The following TMLHE variants were observed in gnomAD, a reference collection of about 807,000 sequenced individuals.
TMLHE encodes the protein trimethyllysine dioxygenase, mitochondrial.
A neutral mutation model predicts 25.7 loss-of-function variants in TMLHE; 18 were observed. That is an observed-to-expected ratio of 0.70 (90% CI 0.48 to 1.04). The LOEUF (loss-of-function observed/expected upper bound fraction) is 1.04. Ranked by LOEUF, TMLHE falls within the 50% of genes least tolerant of loss-of-function variation. TMLHE has a pLI of 0.00. For missense variants in TMLHE, 236 were observed against 259.0 expected, an observed-to-expected ratio of 0.91 and a Z score of 0.61; for synonymous variants, 105 against 97.0, an observed-to-expected ratio of 1.08 and a Z score of -0.49.
At chrX:155,506,042 G>A (rs2067074360) in intron 6 of TMLHE, among the ~76,000 whole-genome samples, 1 of 111,233 alleles carries the variant, frequency 9.0e-6, no homozygotes, top group South Asian at 3.7e-4. Flanking sequence ...TTACATGCTA[G>A]AAGAGTAAGA....
rs1557340778 is a variant in TMLHE, at chrX:155,556,185, CAATGAAA to C, written c.-1-10915_-1-10909del. ...AGAGTGAGTTACAGCTGACATGCAG[CAATGAAA>C]CAGGGACTTCAGTCCTATGGTTACA... On this transcript the variant is annotated intron_variant, in intron 1 of 7. Coordinates refer to ENST00000334398, the MANE Select transcript of TMLHE (RefSeq NM_018196.4). Among the ~76,000 whole-genome samples the C allele has an allele frequency of 9.6e-4, 107 of 110,956 alleles. 1 individual carries two copies. Among genetic ancestry groups the C allele is most frequent in the African/African-American group, 3.4e-3 (103 of 30,143 alleles).
At chrX:155,542,365 G>A (rs979265492) in intron 2 of TMLHE, among the ~76,000 whole-genome samples, 1 of 111,390 alleles carries the variant, frequency 9.0e-6, no homozygotes, top group Non-Finnish European at 1.9e-5. Context: ...TCAAAGAAAG[G>A]TACAAATAAA....
At chrX:155,521,756 C>T (rs2067187271) in intron 3 of TMLHE, among the ~76,000 whole-genome samples, 1 of 53,117 alleles carries the variant, frequency 1.9e-5, no homozygotes, top group Non-Finnish European at 3.5e-5. Flanking sequence ...CTGAAAAGCG[C>T]AATATTCGGG....
chrX:155,576,037 A>G (rs782020263), intron 1 of TMLHE, among the ~76,000 whole-genome samples: 1 of 111,872 alleles, frequency 8.9e-6, no homozygotes, highest in South Asian at 3.8e-4. Flanking sequence ...GCATCCAAAT[A>G]GGAAGAGAGG....
At chrX:155,594,440 G>T (rs1449061159) in intron 1 of TMLHE, among the ~76,000 whole-genome samples, 1 of 111,890 alleles carries the variant, frequency 8.9e-6, no homozygotes, top group African/African-American at 3.2e-5. Flanking sequence ...CAAAAGCTAA[G>T]AGAGTTCATC....
intron 1 of TMLHE, among the ~76,000 whole-genome samples, chrX:155,559,714 A>G (rs1460724047): frequency 3.6e-5 from 4 of 111,879 alleles, no homozygotes; most frequent in African/African-American, 1.3e-4. Context: ...GCTCCTGTCA[A>G]TTTTTCCTTC....
At chrX:155,509,508 C>T (rs868985846) in intron 5 of TMLHE, among the ~76,000 whole-genome samples, 1 of 111,602 alleles carries the variant, frequency 9.0e-6, no homozygotes, top group South Asian at 3.7e-4. Context: ...TTGTTTATCT[C>T]TGGTGTTGGT....
intron 3 of TMLHE, among the ~76,000 whole-genome samples, chrX:155,522,185 A>T (rs2067192044): frequency 8.9e-6 from 1 of 111,992 alleles, no homozygotes; most frequent in Non-Finnish European, 1.9e-5. Flanking sequence ...TATTGTAGAG[A>T]AATTAGTAGT....
rs1423465572 is a variant in TMLHE, at chrX:155,560,851, G to A, written c.-1-15574C>T. On this transcript the variant is annotated intron_variant, in intron 1 of 7. Transcript: ENST00000334398. ...TGATAGAAATGATGAACCATTGTAG[G>A]GTTTTAAAACTAATAGGTAACATGA... Among the ~76,000 whole-genome samples the A allele has an allele frequency of 3.3e-5, 2 of 61,121 alleles. 1 individual carries two copies. Among genetic ancestry groups the A allele is most frequent in the African/African-American group, 7.2e-5 (2 of 27,613 alleles). 53.1% of individuals were successfully genotyped at this position (61,121 alleles called of 115,157 possible).
chrX:155,585,416 A>AC (rs2067657898), intron 1 of TMLHE, among the ~76,000 whole-genome samples: 3 of 96,633 alleles, frequency 3.1e-5, no homozygotes, highest in Non-Finnish European at 4.1e-5. Context: ...CACACACACA[A>AC]ACACACACAC....
intron 2 of TMLHE, among the ~76,000 whole-genome samples, chrX:155,531,129 C>T (rs2067247068): frequency 8.9e-6 from 1 of 112,140 alleles, no homozygotes; most frequent in Non-Finnish European, 1.9e-5. Context: ...GAAATGGCTC[C>T]AGTTATTTAC....
chrX:155,511,677 A>G lies in TMLHE; in HGVS notation c.754T>C (p.Cys252Arg). The part of the protein sequence containing the change: ...HTDTTYFQEP[C>R]GIQVFHCLKH... ...GTAAAAGTCTAATCCACCTACCCAC[A>G]GGGCTCTTGAAAATAGGTAGTGTCA... Residue 252 changes from cysteine (C) to arginine (R), a missense_variant, in exon 5 of 8, where the codon TGT becomes CGT. Cys to Arg is a radical substitution (Grantham distance 180, BLOSUM62 -3). Transcript: ENST00000334398. 1 of 1,197,454 alleles carries G rather than the reference A, an allele frequency of 8.4e-7. No homozygotes were observed. The highest frequency in any genetic ancestry group is 1.1e-6 in the Non-Finnish European group (1 of 886,351).
intron 2 of TMLHE, among the ~76,000 whole-genome samples, chrX:155,541,158 T>C (rs1190962280): frequency 4.5e-5 from 5 of 110,964 alleles, no homozygotes; most frequent in Admixed American, 1.9e-4. Flanking sequence ...CAACCTGTCA[T>C]CTACATTAGG....
chrX:155,521,791 G>GC (rs1359614038), intron 3 of TMLHE, among the ~76,000 whole-genome samples: 3 of 66,205 alleles, frequency 4.5e-5, no homozygotes, highest in African/African-American at 5.8e-5. Flanking sequence ...TTTTCCAGGT[G>GC]CGTCCGTCAC....
chrX:155,586,944 C>T (rs2067668592), intron 1 of TMLHE, among the ~76,000 whole-genome samples: 1 of 111,957 alleles, frequency 8.9e-6, no homozygotes, highest in Non-Finnish European at 1.9e-5. Context: ...GTATAAAGAA[C>T]AACTAATATT....
chrX:155,579,085 C>T (rs933548732), intron 1 of TMLHE, among the ~76,000 whole-genome samples: 1 of 89,881 alleles, frequency 1.1e-5, no homozygotes, highest in South Asian at 6.5e-4. Flanking sequence ...CTACAAAACA[C>T]TGGTGAAAGA....
intron 1 of TMLHE, among the ~76,000 whole-genome samples, chrX:155,547,036 A>G (rs782786216): frequency 8.0e-5 from 9 of 111,946 alleles, no homozygotes; most frequent in Admixed American, 4.7e-4. Flanking sequence ...GTCAAATATT[A>G]AATTCTTAAT....
chrX:155,590,809 T>C (rs1416212344), intron 1 of TMLHE, among the ~76,000 whole-genome samples: 1 of 111,402 alleles, frequency 9.0e-6, no homozygotes, highest in Non-Finnish European at 1.9e-5. Flanking sequence ...AGGGTATATG[T>C]AGATGAAAAA....
chrX:155,580,292 A>G (rs1441444566), intron 1 of TMLHE, among the ~76,000 whole-genome samples: 1 of 112,101 alleles, frequency 8.9e-6, no homozygotes, highest in African/African-American at 3.2e-5. Flanking sequence ...ACAATGAGAT[A>G]TCATCTTACA....
Sources: allele counts gnomAD v4.1 joint callset (sites outside exome capture counted in the v4.1 genomes callset), GRCh38; gene constraint gnomAD v4.1.1; transcripts MANE v1.5; gene names NCBI Gene and HGNC (gene_info 2026-07-23, HGNC 2026-07-21).